Variants in F13A1 observed in about 807,000 individuals in gnomAD.
The protein encoded by F13A1 is coagulation factor XIII A chain.
In F13A1, 47 loss-of-function variants were observed where a neutral mutation model predicts 80.1. The observed-to-expected ratio is 0.59, with a 90% confidence interval of 0.46 to 0.75. F13A1 has a LOEUF of 0.75. Ranked by LOEUF, F13A1 falls within the 30% of genes least tolerant of loss-of-function variation. The pLI, the probability that F13A1 is intolerant of heterozygous loss-of-function variation, is 0.00. For synonymous variants in F13A1, 349 were observed against 344.9 expected (o/e 1.01, Z -0.13); for missense variants, 817 against 930.4 (o/e 0.88, Z 1.59).
At chr6:6,226,408 G>A (rs192288322) in intron 6 of F13A1, among the ~76,000 whole-genome samples, 6 of 152,096 alleles carry the variant, frequency 3.9e-5, no homozygotes, top group Middle Eastern at 3.4e-3. Context: ...GTGCACATTC[G>A]TTTAGAAGCA....
chr6:6,305,243 G>T, intron 3 of F13A1, 108 bp downstream of exon 3: 1 of 1,236,432 alleles, frequency 8.1e-7, no homozygotes. Flanking sequence ...TCCAGCTCCT[G>T]CCACTGTTGA....
chr6:6,181,745 T>C (rs1299025579), intron 11 of F13A1, among the ~76,000 whole-genome samples: 1 of 152,212 alleles, frequency 6.6e-6, no homozygotes, highest in Non-Finnish European at 1.5e-5. Flanking sequence ...AGGTATGACT[T>C]TAAACCAAAT....
intron 10 of F13A1, among the ~76,000 whole-genome samples, chr6:6,190,419 T>A (rs938361799): frequency 6.6e-6 from 1 of 151,444 alleles, no homozygotes; most frequent in Non-Finnish European, 1.5e-5. Flanking sequence ...ATGTCCTTTC[T>A]GTTTGTTAGT....
intron 12 of F13A1, among the ~76,000 whole-genome samples, chr6:6,172,602 C>A (rs1010311958): frequency 6.6e-6 from 1 of 151,988 alleles, no homozygotes; most frequent in African/African-American, 2.4e-5. Flanking sequence ...CCTGCCACAA[C>A]GCCTGGCTAA....
At chr6:6,249,981 G>A (rs1246681885) in intron 5 of F13A1, among the ~76,000 whole-genome samples, 3 of 152,110 alleles carry the variant, frequency 2.0e-5, no homozygotes, top group African/African-American at 7.2e-5. Context: ...AAGGAACACA[G>A]GGAGATCCCA....
intron 3 of F13A1, among the ~76,000 whole-genome samples, chr6:6,304,288 T>C (rs1758479043): frequency 1.3e-5 from 2 of 152,168 alleles, no homozygotes; most frequent in African/African-American, 2.4e-5. Flanking sequence ...CCATGTACCT[T>C]TCTGTGACTG....
At position 6,320,362 on chromosome 6, in the gene F13A1, G is replaced by A. The variant is rs546020709; in HGVS notation, c.-19+225C>T. ...TTTGGTGGCATTCTAAGCAAGCAAC[G>A]GCTTCGGGAGAGCTGCCTCGAGAGC... is the stretch of plus-strand genomic sequence containing the variant. On this transcript the variant is annotated intron_variant, in intron 1 of 14. Coordinates refer to ENST00000264870, the MANE Select transcript of F13A1 (RefSeq NM_000129.4). Among the ~76,000 whole-genome samples the A allele has an allele frequency of 4.4e-3, 675 of 152,294 alleles. 2 individuals are homozygous for A. The highest frequency in any genetic ancestry group is 6.7e-3 in the Non-Finnish European group (455 of 68,024).
rs536317767 is a variant in F13A1, at chr6:6,250,226, T to C, written c.690+585A>G. Among the ~76,000 whole-genome samples, 33 of 152,336 alleles carry C rather than the reference T, an allele frequency of 2.2e-4. 1 individual carries two copies. The South Asian group carries it at 6.8e-3, about 32-fold the overall frequency. On this transcript the variant is annotated intron_variant, in intron 5 of 14. Coordinates refer to ENST00000264870, the MANE Select transcript of F13A1 (RefSeq NM_000129.4). The surrounding 1 kb of genome is among the most constrained non-coding windows in gnomAD (Gnocchi z 4.2). ...GGTAAAATATCATTCATTTGCTCCATTGTTAAAGATACCAAACTGAAATAG... is the reference window on the plus strand; with the variant it reads ...GGTAAAATATCATTCATTTGCTCCACTGTTAAAGATACCAAACTGAAATAG...
intron 8 of F13A1, 29 bp from the exon 9 acceptor site, chr6:6,197,355 A>C (rs779276496): frequency 6.3e-7 from 1 of 1,597,536 alleles, no homozygotes; most frequent in Non-Finnish European, 8.6e-7. Flanking sequence ...AGAAAGGTTA[A>C]ACTTCCCATC....
chr6:6,311,253 C>G (rs1758588227), intron 2 of F13A1, among the ~76,000 whole-genome samples: 1 of 152,084 alleles, frequency 6.6e-6, no homozygotes, highest in Non-Finnish European at 1.5e-5. Flanking sequence ...GTTGATCATT[C>G]ATTTCAAAAT....
At chr6:6,179,765 G>T (rs1489675680) in intron 11 of F13A1, among the ~76,000 whole-genome samples, 1 of 152,172 alleles carries the variant, frequency 6.6e-6, no homozygotes, top group Non-Finnish European at 1.5e-5. Context: ...GATTCTTCTA[G>T]TTGGACCAGA....
At chr6:6,222,664 C>A (rs1418128791) in intron 7 of F13A1, among the ~76,000 whole-genome samples, 1 of 152,178 alleles carries the variant, frequency 6.6e-6, no homozygotes, top group East Asian at 1.9e-4. Flanking sequence ...AACAAATTAT[C>A]TGAATACCTT....
At chr6:6,218,563 C>G (rs558526584) in intron 8 of F13A1, among the ~76,000 whole-genome samples, 3 of 152,338 alleles carry the variant, frequency 2.0e-5, no homozygotes, top group African/African-American at 7.2e-5. Context: ...GATCTAATTA[C>G]TCTGCCCTGC....
At chr6:6,272,427 G>A (rs1475587880) in intron 3 of F13A1, among the ~76,000 whole-genome samples, 1 of 152,094 alleles carries the variant, frequency 6.6e-6, no homozygotes, top group Non-Finnish European at 1.5e-5. Context: ...TGACTGAGTA[G>A]ACACATCTAT....
intron 13 of F13A1, among the ~76,000 whole-genome samples, chr6:6,160,493 C>T (rs1218592005): frequency 1.3e-5 from 2 of 151,928 alleles, no homozygotes; most frequent in Non-Finnish European, 2.9e-5. Context: ...CGCACCACTA[C>T]AGCCTGGCTA....
intron 2 of F13A1, 67 bp downstream of exon 2, chr6:6,318,468 G>A (rs1758717794): frequency 2.6e-6 from 4 of 1,541,822 alleles, no homozygotes; most frequent in East Asian, 2.3e-5. Context: ...TTTACCTGCA[G>A]GGAAGAGGGG....
intron 3 of F13A1, among the ~76,000 whole-genome samples, chr6:6,276,323 A>C (rs938587352): frequency 3.9e-5 from 6 of 152,122 alleles, no homozygotes; most frequent in African/African-American, 1.4e-4. Context: ...AGTCTCCTCC[A>C]TGGCTCCAGC....
At chr6:6,301,636 T>C (rs1758433315) in intron 3 of F13A1, among the ~76,000 whole-genome samples, 1 of 152,244 alleles carries the variant, frequency 6.6e-6, no homozygotes, top group Admixed American at 6.5e-5. Flanking sequence ...AGTAATAGTA[T>C]TTCTTGTGTA....
intron 6 of F13A1, among the ~76,000 whole-genome samples, chr6:6,244,729 C>T (rs1205655663): frequency 1.3e-5 from 2 of 152,152 alleles, no homozygotes; most frequent in African/African-American, 2.4e-5. Context: ...CAAAATTTCA[C>T]TTTAAAGACA....
Sources: allele counts gnomAD v4.1 joint callset (sites outside exome capture counted in the v4.1 genomes callset), GRCh38; gene constraint gnomAD v4.1.1; non-coding constraint Gnocchi (gnomAD v3.1); transcripts MANE v1.5; gene names NCBI Gene and HGNC (gene_info 2026-07-23, HGNC 2026-07-21).